The following MTOR variants were observed in gnomAD, a reference collection of about 807,000 sequenced individuals.
The protein encoded by MTOR is serine/threonine-protein kinase mTOR.
A neutral mutation model predicts 319.8 loss-of-function variants in MTOR; 70 were observed. That is an observed-to-expected ratio of 0.22 (90% CI 0.18 to 0.27). The LOEUF (loss-of-function observed/expected upper bound fraction) is 0.27, where lower values mean the gene tolerates loss of function less well. MTOR is among the 10% of genes least tolerant of loss of function. The probability of loss-of-function intolerance (pLI) is 1.00; values close to 1 mark genes in which losing one functional copy is unlikely to be tolerated. For missense variants in MTOR, 1,890 were observed against 3,274.4 expected, an observed-to-expected ratio of 0.58 and a Z score of 10.32; for synonymous variants, 1,183 against 1,211.4, an observed-to-expected ratio of 0.98 and a Z score of 0.49.
chr1:11,245,249 C>T (rs1168604327), intron 8 of MTOR, among the ~76,000 whole-genome samples: 1 of 152,172 alleles, frequency 6.6e-6, no homozygotes, highest in Non-Finnish European at 1.5e-5. Context: ...TTTCCTGATT[C>T]TTGCTTCTTG....
chr1:11,110,202 A>T (rs1641787019), intron 54 of MTOR, among the ~76,000 whole-genome samples: 1 of 152,200 alleles, frequency 6.6e-6, no homozygotes, highest in South Asian at 2.1e-4. Flanking sequence ...TTAACTTCGG[A>T]ATGTGTCACA....
chr1:11,153,296 A>G (rs763113830), intron 30 of MTOR, among the ~76,000 whole-genome samples: 1 of 152,232 alleles, frequency 6.6e-6, no homozygotes, highest in Non-Finnish European at 1.5e-5. Context: ...GAACGAATGA[A>G]TGTAGGACTT....
intron 54 of MTOR, 98 bp downstream of exon 54, chr1:11,112,754 C>T (rs931130415): frequency 4.7e-5 from 59 of 1,257,756 alleles, no homozygotes; most frequent in African/African-American, 3.7e-4. Flanking sequence ...GCCTCTGTAA[C>T]GTCCTGCGGG....
intron 25 of MTOR, among the ~76,000 whole-genome samples, chr1:11,206,335 G>C (rs2300093): frequency 0.55 from 84,035 of 152,118 alleles, 27,221 homozygotes; most frequent in East Asian, 0.78. Context: ...GTAAGGCAGA[G>C]ACAATTCAAC....
intron 5 of MTOR, 32 bp from the exon 6 acceptor site, chr1:11,254,005 G>A (rs777266181): frequency 4.0e-5 from 65 of 1,613,912 alleles, no homozygotes; most frequent in Non-Finnish European, 5.1e-5. Flanking sequence ...CTTCATTAGA[G>A]ACAGAGTACA....
At chr1:11,171,291 C>G (rs1215365160) in intron 28 of MTOR, among the ~76,000 whole-genome samples, 1 of 151,078 alleles carries the variant, frequency 6.6e-6, no homozygotes, top group African/African-American at 2.4e-5. Flanking sequence ...TTCTTTCTTT[C>G]TTTTTTAAAG....
chr1:11,237,911 T>A lies in MTOR; in HGVS notation c.2140A>T (p.Thr714Ser). ...VFEIRELAIC[T>S]VGRLSSMNPA... is the part of the protein sequence containing the mutation. ...TTCATGCTACTGAGTCGGCCCACAG[T>A]GCAGATGGCCAGCTCCCGGATCTCA... The change falls in exon 13 of 58, where the codon ACT (threonine) becomes TCT (serine). Residue 714 changes from threonine (T) to serine (S), a missense_variant. This residue lies in a region of MTOR where 377 missense variants were observed against 653.9 expected (regional missense o/e 0.58). Transcript: ENST00000361445. 1 of 1,614,124 alleles carries A rather than the reference T, an allele frequency of 6.2e-7. No homozygotes were observed. Among genetic ancestry groups the A allele is most frequent in the Non-Finnish European group, 8.5e-7 (1 of 1,180,036 alleles).
At chr1:11,201,754 T>C (rs1008654386) in intron 26 of MTOR, among the ~76,000 whole-genome samples, 19 of 152,354 alleles carry the variant, frequency 1.2e-4, no homozygotes, top group African/African-American at 4.6e-4. Context: ...TATTCCATTT[T>C]ATTTACTTAC....
At chr1:11,216,258 A>G in intron 19 of MTOR, 24 bp from the exon 20 acceptor site, 1 of 1,591,182 alleles carries the variant, frequency 6.3e-7, no homozygotes. Flanking sequence ...GAGGTCAACC[A>G]GCTGGTATCA....
At chr1:11,257,881 G>C (rs1426760408) in intron 3 of MTOR, among the ~76,000 whole-genome samples, 2 of 152,020 alleles carry the variant, frequency 1.3e-5, no homozygotes, top group Non-Finnish European at 2.9e-5. Context: ...AGGCTGAGGT[G>C]GGCAGATCAC....
At chr1:11,155,642 T>C (rs539151566) in intron 30 of MTOR, among the ~76,000 whole-genome samples, 1 of 152,320 alleles carries the variant, frequency 6.6e-6, no homozygotes, top group African/African-American at 2.4e-5. Context: ...GTGCTCCTCA[T>C]TGTACAGGTC....
chr1:11,114,598 G>A, intron 52 of MTOR, 145 bp from the exon 53 acceptor site: 1 of 1,234,480 alleles, frequency 8.1e-7, no homozygotes, highest in Non-Finnish European at 1.1e-6. Flanking sequence ...GAAGGAATCA[G>A]GGCAGGACTG....
At chr1:11,258,222 T>TA (rs1344756698) in intron 3 of MTOR, among the ~76,000 whole-genome samples, 1 of 152,008 alleles carries the variant, frequency 6.6e-6, no homozygotes, top group African/African-American at 2.4e-5. Context: ...CAAAAGGCAA[T>TA]ATGAAGGAGT....
At chr1:11,156,482 C>T (rs1644322127) in intron 30 of MTOR, among the ~76,000 whole-genome samples, 1 of 152,184 alleles carries the variant, frequency 6.6e-6, no homozygotes, top group Admixed American at 6.5e-5. Context: ...CTGTTGCTTG[C>T]ACCTGGAGTA....
At chr1:11,197,769 C>T (rs1645834062) in intron 28 of MTOR, among the ~76,000 whole-genome samples, 1 of 152,192 alleles carries the variant, frequency 6.6e-6, no homozygotes, top group Non-Finnish European at 1.5e-5. Context: ...TCTCGAACTC[C>T]TGACATCAAG....
At chr1:11,130,077 G>T (rs1643038168) in intron 39 of MTOR, among the ~76,000 whole-genome samples, 1 of 152,206 alleles carries the variant, frequency 6.6e-6, no homozygotes, top group Non-Finnish European at 1.5e-5. Context: ...ATGGAGGGAG[G>T]AGGTGGAGCT....
intron 26 of MTOR, 148 bp downstream of exon 26, chr1:11,204,413 G>A: frequency 8.9e-7 from 1 of 1,128,586 alleles, no homozygotes; most frequent in Non-Finnish European, 1.2e-6. Context: ...GTATGAGCTT[G>A]TTGAATTTGT....
intron 10 of MTOR, 100 bp downstream of exon 10, chr1:11,241,453 T>C: frequency 1.4e-6 from 2 of 1,421,002 alleles, no homozygotes; most frequent in South Asian, 1.4e-5. Flanking sequence ...GTCCATCCAG[T>C]TGAATGTGCA....
rs1420340929 is a variant in MTOR at position 11,127,184 on chromosome 1, C to T, written c.6217-40G>A. The T allele has an allele frequency of 4.3e-6, 7 of 1,611,118 alleles. No homozygotes were observed. The highest frequency in any genetic ancestry group is 1.3e-5 in the African/African-American group (1 of 74,826). ...AGGCACGTTTTCAAGTTATCAAAGT[C>T]TCAACCAACCCAGGAGGCAAAATCC... On this transcript the variant is annotated intron_variant, in intron 44 of 57. Coordinates refer to ENST00000361445, the MANE Select transcript of MTOR (RefSeq NM_004958.4). This position sits in a 1 kb window ranked among gnomAD's most constrained non-coding sequence, Gnocchi z 5.5.
Sources: gnomAD v4.1 joint callset for allele counts (sites outside exome capture counted in the v4.1 genomes callset) on GRCh38, gnomAD v4.1.1 for gene constraint, gnomAD v4.1.1 regional missense constraint, Gnocchi (gnomAD v3.1) non-coding constraint, MANE v1.5 for transcripts, NCBI Gene and HGNC (gene_info 2026-07-23, HGNC 2026-07-21) for gene names.